NFIA: variants seen among roughly 807,000 people sequenced by gnomAD.
NFIA encodes the protein nuclear factor I A.
Under a neutral mutation model 62.8 loss-of-function variants are expected in NFIA, and 8 were observed. The ratio of observed to expected loss-of-function variants is 0.13; its 90% CI spans 0.07 to 0.23. The LOEUF (loss-of-function observed/expected upper bound fraction) is 0.23, where lower values mean the gene tolerates loss of function less well. Among genes scored for constraint, NFIA ranks in the 10% least tolerant of loss-of-function variants. The pLI, the probability that NFIA is intolerant of heterozygous loss-of-function variation, is 1.00. For missense variants in NFIA, 410 were observed against 642.1 expected, an observed-to-expected ratio of 0.64 and a Z score of 3.91; for synonymous variants, 235 against 238.1, an observed-to-expected ratio of 0.99 and a Z score of 0.12.
chr1:61,181,019 T>C (rs1230690577), intron 2 of NFIA, among the ~76,000 whole-genome samples: 1 of 152,352 alleles, frequency 6.6e-6, no homozygotes, highest in East Asian at 1.9e-4. Context: ...ATTGAGTTAC[T>C]ACTCAAGGTT....
intron 2 of NFIA, among the ~76,000 whole-genome samples, chr1:61,098,871 A>G (rs762319765): frequency 1.1e-4 from 17 of 152,222 alleles, no homozygotes; most frequent in South Asian, 2.1e-4. Flanking sequence ...AAAAAGTGCC[A>G]TCTCATTGGA....
At chr1:61,414,155 G>T (rs1347769958) in intron 9 of NFIA, among the ~76,000 whole-genome samples, 1 of 151,562 alleles carries the variant, frequency 6.6e-6, no homozygotes, top group Non-Finnish European at 1.5e-5. Context: ...GCTAATTTTT[G>T]TATTTTTAGT....
At chr1:61,357,366 G>A (rs558182348) in intron 5 of NFIA, among the ~76,000 whole-genome samples, 4 of 152,220 alleles carry the variant, frequency 2.6e-5, no homozygotes, top group Non-Finnish European at 5.9e-5. Context: ...CGGACTGTGA[G>A]GGTGTCTGGG....
chr1:61,395,624 C>T (rs1430527147), intron 7 of NFIA, among the ~76,000 whole-genome samples: 1 of 152,146 alleles, frequency 6.6e-6, no homozygotes, highest in Non-Finnish European at 1.5e-5. Context: ...TCAACTTTGC[C>T]TATTAAACCA....
chr1:61,225,705 G>A (rs941750886), intron 2 of NFIA, among the ~76,000 whole-genome samples: 2 of 151,728 alleles, frequency 1.3e-5, no homozygotes, highest in African/African-American at 4.8e-5. Flanking sequence ...CTTTTCTATC[G>A]CAATATATAT....
At chr1:61,084,860 T>C (rs1012596710) in intron 1 of NFIA, among the ~76,000 whole-genome samples, 8 of 152,090 alleles carry the variant, frequency 5.3e-5, no homozygotes, top group African/African-American at 1.9e-4. Flanking sequence ...GTTTTTTTTT[T>C]TCTTTTTTTT....
chr1:61,305,669 C>T (rs535076792), intron 3 of NFIA, among the ~76,000 whole-genome samples: 39 of 152,202 alleles, frequency 2.6e-4, no homozygotes, highest in African/African-American at 8.9e-4. Flanking sequence ...GAAGGGAAGA[C>T]CATCCTGTCT....
At position 61,455,462 on chromosome 1, in the gene NFIA, A is replaced by G. The variant is rs2100595004; in HGVS notation, c.*142A>G. On this transcript the variant is annotated 3_prime_UTR_variant, in exon 11 of 11. Transcript: ENST00000403491. ...AAAACCGATTCAAATCAACTTGTACATGGAAACAGCAAGCATTATGGTCAA... is the reference window on the plus strand; with the variant it reads ...AAAACCGATTCAAATCAACTTGTACGTGGAAACAGCAAGCATTATGGTCAA... 4 of 1,363,272 alleles carry G rather than the reference A, an allele frequency of 2.9e-6. No individual in the cohort carries two copies. Among genetic ancestry groups the G allele is most frequent in the Admixed American group, 1.9e-5 (1 of 51,910 alleles). 84.4% of individuals were successfully genotyped at this position (1,363,272 alleles called of 1,614,324 possible).
chr1:61,100,688 G>A (rs983503168), intron 2 of NFIA, among the ~76,000 whole-genome samples: 1 of 152,032 alleles, frequency 6.6e-6, no homozygotes, highest in Non-Finnish European at 1.5e-5. Context: ...AAACTTCTGG[G>A]CCCACACAAT....
intron 5 of NFIA, among the ~76,000 whole-genome samples, chr1:61,355,473 T>C (rs1318932827): frequency 6.6e-6 from 1 of 152,218 alleles, no homozygotes; most frequent in African/African-American, 2.4e-5. Context: ...ATAAACCAGC[T>C]GTCAAAAGTT....
intron 2 of NFIA, among the ~76,000 whole-genome samples, chr1:61,146,900 G>T (rs116227792): frequency 2.2e-4 from 33 of 152,230 alleles, no homozygotes; most frequent in African/African-American, 7.7e-4. Context: ...ACCAGAAGCT[G>T]AAAGTAGGGT....
At chr1:61,333,231 A>G (rs1483596646) in intron 4 of NFIA, among the ~76,000 whole-genome samples, 4 of 152,230 alleles carry the variant, frequency 2.6e-5, no homozygotes, top group African/African-American at 9.6e-5. Context: ...TACTCCTCCA[A>G]CTACTTCAAA....
intron 7 of NFIA, among the ~76,000 whole-genome samples, chr1:61,386,190 G>T (rs545169224): frequency 6.6e-6 from 1 of 152,198 alleles, no homozygotes; most frequent in Non-Finnish European, 1.5e-5. Context: ...TTGGGAGTAA[G>T]ACGTGGTGTT....
chr1:61,395,764 G>A (rs1442491786), intron 7 of NFIA, among the ~76,000 whole-genome samples: 5 of 152,114 alleles, frequency 3.3e-5, no homozygotes, highest in Admixed American at 3.3e-4. Flanking sequence ...GCCCTGTCAG[G>A]ACAAAGGCTG....
intron 10 of NFIA, among the ~76,000 whole-genome samples, chr1:61,444,056 T>C (rs1667701129): frequency 6.6e-6 from 1 of 152,204 alleles, no homozygotes; most frequent in African/African-American, 2.4e-5. Flanking sequence ...CTGGGTACAT[T>C]TCTCTTCATA....
intron 10 of NFIA, among the ~76,000 whole-genome samples, chr1:61,443,228 A>G (rs1179370537): frequency 6.6e-6 from 1 of 152,222 alleles, no homozygotes; most frequent in East Asian, 1.9e-4. Flanking sequence ...TCCGCCAGAC[A>G]GAGAGGAATC....
chr1:61,385,236 CA>C (rs5774555), intron 7 of NFIA, among the ~76,000 whole-genome samples: 9 of 147,362 alleles, frequency 6.1e-5, no homozygotes, highest in East Asian at 4.0e-4. Context: ...GACTCCATCT[CA>C]AAAAAAAAAG....
intron 3 of NFIA, among the ~76,000 whole-genome samples, chr1:61,315,212 A>G (rs1326574307): frequency 6.6e-6 from 1 of 152,208 alleles, no homozygotes; most frequent in Non-Finnish European, 1.5e-5. Context: ...CAAATTAGCT[A>G]CAAATCATGT....
intron 3 of NFIA, among the ~76,000 whole-genome samples, chr1:61,280,443 A>ATG (rs1553168131): frequency 3.1e-5 from 3 of 98,002 alleles, no homozygotes; most frequent in East Asian, 3.4e-4. Flanking sequence ...ACATATATGT[A>ATG]TGTGTGTGTA....
Sources: allele counts gnomAD v4.1 joint callset (sites outside exome capture counted in the v4.1 genomes callset), GRCh38; gene constraint gnomAD v4.1.1; transcripts MANE v1.5; gene names NCBI Gene and HGNC (gene_info 2026-07-23, HGNC 2026-07-21).